Variants in ALDH16A1 observed in about 807,000 individuals in gnomAD.
ALDH16A1 encodes aldehyde dehydrogenase 16 family member A1.
ALDH16A1 carries 88 observed loss-of-function variants against 96.1 expected under a neutral mutation model. The observed-to-expected ratio is 0.92, with a 90% CI of 0.77 to 1.09. ALDH16A1 has a LOEUF of 1.09. Among genes scored for constraint, ALDH16A1 ranks in the 50% least tolerant of loss-of-function variants. The probability of loss-of-function intolerance (pLI) is 0.00; values close to 1 mark genes in which losing one functional copy is unlikely to be tolerated. For missense variants in ALDH16A1, 1,250 were observed against 1,112.6 expected, an observed-to-expected ratio of 1.12 and a Z score of -1.76; for synonymous variants, 522 against 496.4, an observed-to-expected ratio of 1.05 and a Z score of -0.69.
At position 49,466,099 on chromosome 19, in the gene ALDH16A1, C is replaced by T. The variant is rs771974699; in HGVS notation, c.1754C>T (p.Pro585Leu). The T allele has an allele frequency of 1.4e-4, 210 of 1,545,906 alleles. No homozygotes were observed. Among genetic ancestry groups the T allele is most frequent in the Non-Finnish European group, 1.7e-4 (194 of 1,149,132 alleles). ...GCCCACAGCTGGGCGGGCCAGTCCC[C>T]AGGAGCCCGGGCAGCCCTGCTGTGG... Reference protein sequence around the residue: ...QAFPGWAGQSPGARAALLWAL... With the variant: ...QAFPGWAGQSLGARAALLWAL... Residue 585 changes from proline to leucine, a missense_variant, in exon 14 of 17, where the codon CCA (proline) becomes CTA (leucine). Transcript: ENST00000293350.
At chr19:49,458,370 G>T in intron 1 of ALDH16A1, 116 bp from the exon 2 acceptor site, 3 of 755,268 alleles carry the variant, frequency 4.0e-6, no homozygotes, top group Non-Finnish European at 4.4e-6. Context: ...AGGAGGAAAA[G>T]AATTAGCTGA....
At chr19:49,462,920 A>C (rs1243191241) in intron 8 of ALDH16A1, among the ~76,000 whole-genome samples, 165 bp downstream of exon 8, 1 of 94,010 alleles carries the variant, frequency 1.1e-5, no homozygotes, top group Non-Finnish European at 2.1e-5. Flanking sequence ...CTGGGCCTGG[A>C]CTCCTGGGTC....
Sources: gnomAD v4.1 joint callset for allele counts (sites outside exome capture counted in the v4.1 genomes callset) on GRCh38, gnomAD v4.1.1 for gene constraint, MANE v1.5 for transcripts, NCBI Gene and HGNC (gene_info 2026-07-23, HGNC 2026-07-21) for gene names.